Variants in MBOAT2 observed in about 807,000 individuals in gnomAD.
MBOAT2 encodes the protein membrane bound glycerophospholipid O-acyltransferase 2.
Under a neutral mutation model 63.4 loss-of-function variants are expected in MBOAT2, and 28 were observed. The observed-to-expected ratio is 0.44, with a 90% confidence interval of 0.33 to 0.61. The LOEUF is 0.61. Ranked by LOEUF, MBOAT2 falls within the 20% of genes least tolerant of loss-of-function variation. The probability of loss-of-function intolerance (pLI) is 0.03; values close to 1 mark genes in which losing one functional copy is unlikely to be tolerated. For missense variants in MBOAT2, 470 were observed against 605.8 expected, an observed-to-expected ratio of 0.78 and a Z score of 2.35; for synonymous variants, 211 against 215.6, an observed-to-expected ratio of 0.98 and a Z score of 0.19.
In MBOAT2 at chr2:8,863,140, A is replaced by T. The variant is rs146013393; in HGVS notation, c.1053-418T>A. 2.6e-4 allele frequency among the ~76,000 whole-genome samples: 40 copies of T among 152,280 alleles called. No individual in the cohort carries two copies. In the East Asian group the frequency reaches 7.7e-3, roughly 29 times the overall value. On this transcript the variant is annotated intron_variant, in intron 10 of 12. Coordinates refer to ENST00000305997, the MANE Select transcript of MBOAT2 (RefSeq NM_138799.4). ...GTGCTTAGTCTACAATTCTTCTATG[A>T]CAGGGATAGAGAACTCAGCTGAAAA...
In MBOAT2 at chr2:8,858,331, C is replaced by G. The variant is rs1249266463; in HGVS notation, c.*348G>C. Reference sequence around the variant, plus strand: ...TTCATTTGGAAAAGTTAATTTCTCTCTATCATCCAGATTGACACGATTATT... The same window carrying G: ...TTCATTTGGAAAAGTTAATTTCTCTGTATCATCCAGATTGACACGATTATT... On this transcript the variant is annotated 3_prime_UTR_variant, in exon 13 of 13. Coordinates refer to ENST00000305997, the MANE Select transcript of MBOAT2 (RefSeq NM_138799.4). 1 of 193,442 alleles carries G rather than the reference C, an allele frequency of 5.2e-6. No homozygotes were observed. The highest frequency in any genetic ancestry group is 1.3e-4 in the East Asian group (1 of 7,900). 12.0% of individuals were successfully genotyped at this position (193,442 alleles called of 1,614,324 possible). A position where few individuals can be genotyped will look rare whatever the true frequency, so the allele number is the denominator to read the frequency against.
intron 3 of MBOAT2, among the ~76,000 whole-genome samples, chr2:8,937,499 TAG>T (rs1667750467): frequency 6.6e-6 from 1 of 152,178 alleles, no homozygotes; most frequent in South Asian, 2.1e-4. Context: ...AGAACTGAGA[TAG>T]ATTCTCTGAA....
chr2:8,980,545 C>T (rs1206863335), intron 1 of MBOAT2, among the ~76,000 whole-genome samples: 1 of 152,104 alleles, frequency 6.6e-6, no homozygotes, highest in East Asian at 1.9e-4. Flanking sequence ...TACCTGGCCA[C>T]CTAGACTGAG....
chr2:8,864,832 C>T (rs1468349333), intron 9 of MBOAT2, among the ~76,000 whole-genome samples: 1 of 152,204 alleles, frequency 6.6e-6, no homozygotes, highest in Non-Finnish European at 1.5e-5. Flanking sequence ...TCATCTCCCA[C>T]CCTGTCTACT....
intron 4 of MBOAT2, among the ~76,000 whole-genome samples, chr2:8,902,355 T>C (rs1175858258): frequency 1.3e-5 from 2 of 152,206 alleles, no homozygotes; most frequent in Non-Finnish European, 2.9e-5. Flanking sequence ...AAAATGTGTC[T>C]GGAATTGGTG....
At chr2:8,890,119 G>A (rs1010407131) in intron 4 of MBOAT2, among the ~76,000 whole-genome samples, 10 of 152,150 alleles carry the variant, frequency 6.6e-5, no homozygotes, top group African/African-American at 2.4e-4. Context: ...AAACAGACCT[G>A]AATACTCCAG....
chr2:8,870,688 C>T lies in MBOAT2; in HGVS notation c.884-2139G>A, dbSNP rs1182092692. ...ACCATTACCAGGAACTCAACCATTA[C>T]TTGTGTTAAGACAGTACAGACATAG... is the stretch of plus-strand genomic sequence containing the variant. On this transcript the variant is annotated intron_variant, in intron 8 of 12. Coordinates refer to ENST00000305997, the MANE Select transcript of MBOAT2 (RefSeq NM_138799.4). 2.0e-5 allele frequency among the ~76,000 whole-genome samples: 3 copies of T among 152,192 alleles called. No homozygotes were observed. The East Asian group carries it at 5.8e-4, about 29-fold the overall frequency.
chr2:8,939,704 A>G (rs1667914340), intron 3 of MBOAT2, among the ~76,000 whole-genome samples: 1 of 152,176 alleles, frequency 6.6e-6, no homozygotes, highest in Non-Finnish European at 1.5e-5. Context: ...AGGTCAGAAA[A>G]GACACATGGC....
At chr2:8,930,490 T>C (rs1573082526) in intron 3 of MBOAT2, among the ~76,000 whole-genome samples, 1 of 152,210 alleles carries the variant, frequency 6.6e-6, no homozygotes, top group Admixed American at 6.5e-5. Context: ...TGTTGGACAT[T>C]TGGGTTGGTT....
intron 3 of MBOAT2, among the ~76,000 whole-genome samples, chr2:8,909,957 C>T (rs2148589834): frequency 6.6e-6 from 1 of 152,342 alleles, no homozygotes; most frequent in East Asian, 1.9e-4. Flanking sequence ...TCGCTGCCCA[C>T]CTCTAATTGC....
chr2:8,908,332 C>T (rs941533859), intron 4 of MBOAT2: 7 of 248,236 alleles, frequency 2.8e-5, no homozygotes, highest in South Asian at 1.4e-4. Flanking sequence ...AGAAGTAAAA[C>T]GCACTCTTGA....
At chr2:8,867,897 C>T (rs1405447598) in intron 9 of MBOAT2, among the ~76,000 whole-genome samples, 2 of 152,168 alleles carry the variant, frequency 1.3e-5, no homozygotes, top group African/African-American at 2.4e-5. Context: ...ATCCGCAGTG[C>T]CCCATTGCTC....
At chr2:8,921,419 A>C (rs895254233) in intron 3 of MBOAT2, among the ~76,000 whole-genome samples, 1 of 152,162 alleles carries the variant, frequency 6.6e-6, no homozygotes, top group East Asian at 1.9e-4. Context: ...ATATTTTACA[A>C]TACCAAATAA....
chr2:8,898,906 A>C (rs1256937029), intron 4 of MBOAT2, among the ~76,000 whole-genome samples: 1 of 152,222 alleles, frequency 6.6e-6, no homozygotes, highest in Admixed American at 6.5e-5. Context: ...TGCCTCATTG[A>C]TAAGTCTAAG....
intron 1 of MBOAT2, among the ~76,000 whole-genome samples, chr2:8,970,338 A>G (rs956185895): frequency 4.6e-5 from 7 of 152,248 alleles, no homozygotes; most frequent in Admixed American, 1.3e-4. Context: ...CAAAGACACA[A>G]CATACCAGAA....
At position 8,864,207 on chromosome 2, in the gene MBOAT2, C is replaced by G; in HGVS notation, c.1015G>C (p.Asp339His). 6.3e-7 allele frequency: 1 copy of G among 1,577,178 alleles called. No individual in the cohort carries two copies. Among genetic ancestry groups the G allele is most frequent in the Non-Finnish European group, 8.6e-7 (1 of 1,166,376 alleles). ...AGAGCTGTCTGAATATTCCAATTAT[C>G]AAGAAACATCTTGAAACTTGTTGAC... ...EMSTSFKMFL[D>H]NWNIQTALWL... Residue 339 changes from aspartate to histidine, a missense_variant, in exon 10 of 13, where the codon GAT becomes CAT. Transcript: ENST00000305997.
chr2:8,866,852 T>C (rs748453029), intron 9 of MBOAT2, among the ~76,000 whole-genome samples: 5 of 152,192 alleles, frequency 3.3e-5, no homozygotes, highest in South Asian at 2.1e-4. Context: ...GAAATCCGAT[T>C]CAGATTTGGT....
At chr2:8,975,054 TG>T (rs1431885661) in intron 1 of MBOAT2, among the ~76,000 whole-genome samples, 2 of 152,110 alleles carry the variant, frequency 1.3e-5, no homozygotes, top group Non-Finnish European at 2.9e-5. Context: ...AGCTACCAAC[TG>T]GGGAAAGTGC....
chr2:8,957,894 A>G (rs567717897), intron 2 of MBOAT2, among the ~76,000 whole-genome samples: 1 of 152,340 alleles, frequency 6.6e-6, no homozygotes, highest in Non-Finnish European at 1.5e-5. Flanking sequence ...ACAAACAGGA[A>G]GTACAGTATT....
Sources: gnomAD v4.1 joint callset for allele counts (sites outside exome capture counted in the v4.1 genomes callset) on GRCh38, gnomAD v4.1.1 for gene constraint, MANE v1.5 for transcripts, NCBI Gene and HGNC (gene_info 2026-07-23, HGNC 2026-07-21) for gene names.